Variants in LGR6 observed in about 807,000 individuals in gnomAD.
The protein encoded by LGR6 is leucine-rich repeat-containing G protein-coupled receptor 6.
In LGR6, 45 loss-of-function variants were observed where a neutral mutation model predicts 69.4. The observed-to-expected ratio is 0.65, with a 90% CI of 0.51 to 0.83. The LOEUF (loss-of-function observed/expected upper bound fraction) is 0.83, where lower values mean the gene tolerates loss of function less well. Ranked by LOEUF, LGR6 falls within the 40% of genes least tolerant of loss-of-function variation. The pLI, the probability that LGR6 is intolerant of heterozygous loss-of-function variation, is 0.00. For synonymous variants in LGR6, 538 were observed against 555.0 expected, an observed-to-expected ratio of 0.97 and a Z score of 0.43; for missense variants, 1,108 against 1,246.7, an observed-to-expected ratio of 0.89 and a Z score of 1.68.
Position 202,207,107 on chromosome 1 carries a change from G to A in LGR6, c.212+12906G>A, listed in dbSNP as rs1001000381. Among the ~76,000 whole-genome samples, 7 of 151,962 alleles carry A rather than the reference G, an allele frequency of 4.6e-5. No individual in the cohort carries two copies. The East Asian group carries it at 7.7e-4, about 17-fold the overall frequency. On this transcript the variant is annotated intron_variant, in intron 1 of 17. Transcript: ENST00000367278. ...TAATTTTTGTATTTTTAGTAGAGACGGGTTTTCGCCATGTGGCCAGGCTGG... is the reference window on the plus strand; with the variant it reads ...TAATTTTTGTATTTTTAGTAGAGACAGGTTTTCGCCATGTGGCCAGGCTGG...
At chr1:202,199,837 T>C (rs1199202860) in intron 1 of LGR6, among the ~76,000 whole-genome samples, 1 of 152,204 alleles carries the variant, frequency 6.6e-6, no homozygotes, top group Non-Finnish European at 1.5e-5. Context: ...AGTATCTACC[T>C]CAAAGGGTTG....
chr1:202,242,132 T>C (rs1662260727), intron 4 of LGR6, among the ~76,000 whole-genome samples: 1 of 152,162 alleles, frequency 6.6e-6, no homozygotes, highest in Admixed American at 6.5e-5. Flanking sequence ...CATTTCAATA[T>C]GCTAAGCACA....
chr1:202,306,396 G>T (rs1242514651), intron 12 of LGR6, among the ~76,000 whole-genome samples: 2 of 152,200 alleles, frequency 1.3e-5, no homozygotes, highest in African/African-American at 4.8e-5. Flanking sequence ...GTACAGATAT[G>T]AGGGTCTCCT....
chr1:202,234,230 C>T (rs1476412555), intron 3 of LGR6, among the ~76,000 whole-genome samples: 2 of 152,208 alleles, frequency 1.3e-5, no homozygotes, highest in African/African-American at 2.4e-5. Flanking sequence ...TTGCCCCTTC[C>T]CCACCCCTTG....
chr1:202,203,774 C>T (rs1658918748), intron 1 of LGR6: 2 of 1,612,264 alleles, frequency 1.2e-6, no homozygotes, highest in East Asian at 4.5e-5. Context: ...ATGCGGAAGC[C>T]CCTGAAAGGC....
At position 202,197,503 on chromosome 1, in the gene LGR6, G is replaced by A. The variant is rs566294078; in HGVS notation, c.212+3302G>A. 31 of 531,334 alleles carry A rather than the reference G, an allele frequency of 5.8e-5. 1 individual carries two copies. Among genetic ancestry groups the A allele is most frequent in the Middle Eastern group, 6.4e-4 (2 of 3,136 alleles). 32.9% of individuals were successfully genotyped at this position (531,334 alleles called of 1,614,324 possible). ...GGTTTTGACATTCTCCCTGGTTAGG[G>A]CCTGTTCTGGAAATAGACCAAGAGG... On this transcript the variant is annotated intron_variant, in intron 1 of 17. Transcript: ENST00000367278.
intron 2 of LGR6, among the ~76,000 whole-genome samples, chr1:202,226,993 G>A (rs4245706): frequency 0.31 from 46,736 of 151,944 alleles, 8,209 homozygotes; most frequent in Non-Finnish European, 0.4. Flanking sequence ...CTGACTTTCC[G>A]TCTCCCACGA....
intron 1 of LGR6, among the ~76,000 whole-genome samples, chr1:202,220,579 GGAGACTTA>G (rs1480464288): frequency 2.0e-5 from 3 of 152,234 alleles, no homozygotes; most frequent in Non-Finnish European, 4.4e-5. Context: ...GTGAGAAAAT[GGAGACTTA>G]GAGATGGGAA....
At chr1:202,237,260 G>A (rs1243269263) in intron 4 of LGR6, among the ~76,000 whole-genome samples, 2 of 152,204 alleles carry the variant, frequency 1.3e-5, no homozygotes, top group Non-Finnish European at 2.9e-5. Context: ...CCCCTGGACA[G>A]GGCCAGGCAA....
At chr1:202,230,212 T>C (rs1251679041) in intron 3 of LGR6, among the ~76,000 whole-genome samples, 2 of 152,070 alleles carry the variant, frequency 1.3e-5, no homozygotes, top group Non-Finnish European at 2.9e-5. Flanking sequence ...GATTCTTTCT[T>C]AAATGACTAT....
intron 5 of LGR6, 144 bp downstream of exon 5, chr1:202,276,665 T>C (rs1002318966): frequency 1.0e-5 from 7 of 668,480 alleles, no homozygotes; most frequent in Non-Finnish European, 1.5e-5. Context: ...TGGAAAAGCA[T>C]GAGGATGACC....
chr1:202,314,125 G>A (rs1309868546), intron 16 of LGR6, among the ~76,000 whole-genome samples: 1 of 152,092 alleles, frequency 6.6e-6, no homozygotes, highest in African/African-American at 2.4e-5. Flanking sequence ...GTCTCCATTC[G>A]AATCATAATT....
rs111282373 is a variant in LGR6, at chr1:202,318,580, G to A, written c.2277G>A (p.Pro759=). ...GAYIKLYCDL[P]RGDFEAVWDC... The stretch of plus-strand genomic sequence containing the variant: ...ACATCAAACTGTACTGTGACCTGCC[G>A]CGGGGCGACTTTGAGGCCGTGTGGG... Residue 759 remains proline, a synonymous_variant, in exon 18 of 18, where the codon CCG becomes CCA. Transcript: ENST00000367278. 913 of 1,613,990 alleles carry A rather than the reference G, an allele frequency of 5.7e-4. 4 individuals are homozygous for A. The African/African-American group carries it at 9.5e-3, about 17-fold the overall frequency.
At chr1:202,211,745 A>G (rs2147915218) in intron 1 of LGR6, among the ~76,000 whole-genome samples, 2 of 152,268 alleles carry the variant, frequency 1.3e-5, no homozygotes, top group Non-Finnish European at 2.9e-5. Context: ...ACATTTCCAT[A>G]AGCAAATACA....
chr1:202,250,855 A>G (rs890539288), intron 4 of LGR6, among the ~76,000 whole-genome samples: 1 of 152,296 alleles, frequency 6.6e-6, no homozygotes, highest in East Asian at 1.9e-4. Flanking sequence ...GTAACACACA[A>G]TCTGTAAGAT....
intron 4 of LGR6, among the ~76,000 whole-genome samples, chr1:202,241,589 C>T (rs996631865): frequency 1.3e-5 from 2 of 151,974 alleles, no homozygotes; most frequent in East Asian, 1.9e-4. Flanking sequence ...CCAGACATGT[C>T]ATGCCAGGCT....
chr1:202,312,132 C>G (rs935542704), intron 16 of LGR6, among the ~76,000 whole-genome samples: 2 of 152,244 alleles, frequency 1.3e-5, no homozygotes. Flanking sequence ...TGCCTGCCGC[C>G]TGTAACGGGA....
intron 3 of LGR6, among the ~76,000 whole-genome samples, chr1:202,230,660 C>A (rs1391791791): frequency 6.6e-6 from 1 of 152,208 alleles, no homozygotes; most frequent in Non-Finnish European, 1.5e-5. Context: ...GTGTGTGTGT[C>A]AGGCTTCTCC....
intron 6 of LGR6, among the ~76,000 whole-genome samples, chr1:202,290,936 C>G (rs961160450): frequency 6.6e-6 from 1 of 152,176 alleles, no homozygotes; most frequent in South Asian, 2.1e-4. Context: ...GCTCTGTTGT[C>G]TGAATCTACA....
Sources: allele counts gnomAD v4.1 joint callset (sites outside exome capture counted in the v4.1 genomes callset), GRCh38; gene constraint gnomAD v4.1.1; transcripts MANE v1.5; gene names NCBI Gene and HGNC (gene_info 2026-07-23, HGNC 2026-07-21).